Variants in RNASEH2B observed in about 807,000 individuals in gnomAD.
The protein encoded by RNASEH2B is Aicardi-Goutieres syndrome 2 protein.
RNASEH2B carries 36 observed loss-of-function variants against 45.0 expected under a neutral mutation model. The ratio of observed to expected loss-of-function variants is 0.80; its 90% confidence interval spans 0.61 to 1.06. RNASEH2B has a LOEUF of 1.06. RNASEH2B is among the 50% of genes least tolerant of loss of function. RNASEH2B has a pLI of 0.00. For missense variants in RNASEH2B, 361 were observed against 360.3 expected (o/e 1.00, Z -0.02); for synonymous variants, 119 against 125.7 (o/e 0.95, Z 0.35).
At chr13:50,925,838 C>A (rs991244139) in intron 1 of RNASEH2B, among the ~76,000 whole-genome samples, 5 of 152,232 alleles carry the variant, frequency 3.3e-5, no homozygotes, top group African/African-American at 9.6e-5. Flanking sequence ...ACCTGTGAAC[C>A]CTAACCACCT....
At chr13:50,929,722 A>C in intron 3 of RNASEH2B, 140 bp downstream of exon 3, 1 of 679,010 alleles carries the variant, frequency 1.5e-6, no homozygotes, top group Non-Finnish European at 2.7e-6. Context: ...GAGCAGGTTT[A>C]ATCAAGGAGA....
intron 9 of RNASEH2B, among the ~76,000 whole-genome samples, chr13:50,967,746 A>G (rs1350968705): frequency 6.6e-6 from 1 of 152,140 alleles, no homozygotes; most frequent in Non-Finnish European, 1.5e-5. Flanking sequence ...TCTGTTCTTA[A>G]AGCTGATCTA....
At chr13:50,939,217 TGTG>T (rs1374622728) in intron 5 of RNASEH2B, 1 of 152,096 alleles carries the variant, frequency 6.6e-6, no homozygotes, top group Non-Finnish European at 1.5e-5. Context: ...ATTAGCCAGG[TGTG>T]GTGGTGGGCA....
chr13:50,929,679 G>T, intron 3 of RNASEH2B, 97 bp downstream of exon 3: 1 of 784,450 alleles, frequency 1.3e-6, no homozygotes, highest in Admixed American at 2.0e-5. Flanking sequence ...CGGGTTTGGA[G>T]TCTGGTCACT....
In RNASEH2B at chr13:50,951,740, C is replaced by T. The variant is rs534946244; in HGVS notation, c.742-2165C>T. 4 of 152,258 alleles carry T rather than the reference C, an allele frequency of 2.6e-5. No individual in the cohort carries two copies. The East Asian group carries it at 7.7e-4, about 29-fold the overall frequency. 9.4% of individuals were successfully genotyped at this position (152,258 alleles called of 1,614,324 possible). On this transcript the variant is annotated intron_variant, in intron 9 of 10. Coordinates refer to ENST00000336617, the MANE Select transcript of RNASEH2B (RefSeq NM_024570.4). The stretch of plus-strand genomic sequence containing the variant: ...CATAGGGATTTGGTCTTTTAAATAA[C>T]AAAAATTTTAGTAAATGCTTCAATC...
At chr13:50,920,330 G>C (rs1300782742) in intron 1 of RNASEH2B, among the ~76,000 whole-genome samples, 2 of 152,160 alleles carry the variant, frequency 1.3e-5, no homozygotes, top group Non-Finnish European at 2.9e-5. Context: ...TTACAAGTGT[G>C]AGCCACCGTG....
At chr13:50,948,531 A>T (rs1178159400) in intron 8 of RNASEH2B, 1 of 157,720 alleles carries the variant, frequency 6.3e-6, no homozygotes, top group Non-Finnish European at 1.4e-5. Context: ...ATGAAACACA[A>T]TCTGTGTCTT....
rs199839728 is a variant in RNASEH2B at position 50,927,471 on chromosome 13, C to A, written c.129C>A (p.Pro43=). The part of the protein sequence containing the change: ...NGLMFVKLVN[P]CSGEGAIYLF... ...TAATGTTTGTAAAACTGGTTAACCCCTGTTCAGGTAAGTTCTCTTCTCATA... is the reference window on the plus strand; with the variant it reads ...TAATGTTTGTAAAACTGGTTAACCCATGTTCAGGTAAGTTCTCTTCTCATA... Residue 43 remains proline (P), a synonymous_variant, in exon 2 of 11, where the codon CCC becomes CCA. Transcript: ENST00000336617. The A allele has an allele frequency of 3.1e-6, 5 of 1,593,322 alleles. No individual in the cohort carries two copies. The East Asian group carries it at 1.1e-4, about 36-fold the overall frequency.
intron 4 of RNASEH2B, among the ~76,000 whole-genome samples, chr13:50,932,973 T>A (rs971286022): frequency 6.6e-6 from 1 of 152,206 alleles, no homozygotes; most frequent in Non-Finnish European, 1.5e-5. Context: ...TATCCCTTCG[T>A]TTAATCATGT....
chr13:50,969,970 G>A (rs1952204464), exon 10 of RNASEH2B: 1 of 1,551,576 alleles, frequency 6.4e-7, no homozygotes, highest in South Asian at 1.2e-5. Flanking sequence ...AGTGATGGTG[G>A]TGGCTCCACG....
downstream of RNASEH2B, among the ~76,000 whole-genome samples, chr13:50,957,698 T>C (rs1952069179): frequency 6.6e-6 from 1 of 152,210 alleles, no homozygotes; most frequent in Non-Finnish European, 1.5e-5. Context: ...CTGCTTTCCA[T>C]AGTGGCTGAA....
chr13:50,940,878 AAGTGCAGACCT>A (rs1191168016), intron 5 of RNASEH2B: 29 of 152,350 alleles, frequency 1.9e-4, no homozygotes, highest in African/African-American at 6.7e-4. Flanking sequence ...GTACTGAGGA[AAGTGCAGACCT>A]AGTGATCTTG....
At chr13:50,958,938 T>C (rs182868362), downstream of RNASEH2B, among the ~76,000 whole-genome samples, 51 of 152,302 alleles carry the variant, frequency 3.3e-4, 1 homozygote, top group Admixed American at 2.8e-3. Context: ...GTTTATAAGC[T>C]TTTGCACTCT....
At chr13:50,963,654 C>G (rs759570069) in intron 9 of RNASEH2B, among the ~76,000 whole-genome samples, 2 of 152,106 alleles carry the variant, frequency 1.3e-5, no homozygotes, top group Non-Finnish European at 1.5e-5. Flanking sequence ...TTTCTCCTCT[C>G]TCTTTTACTT....
chr13:50,923,659 C>G lies in RNASEH2B; in HGVS notation c.65-3748C>G, dbSNP rs367859785. On this transcript the variant is annotated intron_variant, in intron 1 of 10. Transcript: ENST00000336617. Reference sequence around the variant, plus strand: ...GAATGTGTCACTAGCAGACCTGTCCCACAAAAATTATGAAGGGAGTCCTTC... The same window carrying G: ...GAATGTGTCACTAGCAGACCTGTCCGACAAAAATTATGAAGGGAGTCCTTC... 1.6e-4 allele frequency among the ~76,000 whole-genome samples: 25 copies of G among 152,250 alleles called. No individual in the cohort carries two copies. In the South Asian group the frequency reaches 5.2e-3, roughly 32 times the overall value.
chr13:50,935,272 G>A lies in RNASEH2B; in HGVS notation c.436+273G>A. ...CTCACTTCTTCTTTGAACTAGTTCT[G>A]TGACATCAGGCAAGTCACTCAGCTG... On this transcript the variant is annotated intron_variant, in intron 5 of 10. Coordinates refer to ENST00000336617, the MANE Select transcript of RNASEH2B (RefSeq NM_024570.4). 4 of 448,760 alleles carry A rather than the reference G, an allele frequency of 8.9e-6. No individual in the cohort carries two copies. The South Asian group carries it at 1.0e-4, about 12-fold the overall frequency. The allele number at this position is 448,760 out of a possible 1,614,324, so 27.8% of individuals were successfully genotyped here.
intron 2 of RNASEH2B, among the ~76,000 whole-genome samples, chr13:50,928,050 A>T (rs543679637): frequency 2.6e-4 from 39 of 151,872 alleles, no homozygotes; most frequent in African/African-American, 9.2e-4. Context: ...TATTGGAAAA[A>T]TTTTATTTTA....
intron 1 of RNASEH2B, among the ~76,000 whole-genome samples, chr13:50,919,701 T>C (rs1031771403): frequency 3.9e-5 from 6 of 152,188 alleles, no homozygotes; most frequent in African/African-American, 1.2e-4. Context: ...TTTACAGTAT[T>C]ATAGTTTAAA....
At chr13:50,962,655 CT>C (rs1222324255) in intron 9 of RNASEH2B, among the ~76,000 whole-genome samples, 1 of 152,134 alleles carries the variant, frequency 6.6e-6, no homozygotes, top group African/African-American at 2.4e-5. Flanking sequence ...GAATCATTGT[CT>C]TCTGGCTTGC....
Sources: gnomAD v4.1 joint callset for allele counts (sites outside exome capture counted in the v4.1 genomes callset) on GRCh38, gnomAD v4.1.1 for gene constraint, MANE v1.5 for transcripts, NCBI Gene and HGNC (gene_info 2026-07-23, HGNC 2026-07-21) for gene names.